CIAO2A: variants seen among roughly 807,000 people sequenced by gnomAD.
CIAO2A encodes the protein MIP18 family protein FAM96A.
CIAO2A carries 17 observed loss-of-function variants against 22.4 expected under a neutral mutation model. The ratio of observed to expected loss-of-function variants is 0.76; its 90% CI spans 0.52 to 1.14. CIAO2A has a LOEUF of 1.14. CIAO2A is among the 50% of genes most tolerant of loss of function. The pLI, the probability that CIAO2A is intolerant of heterozygous loss-of-function variation, is 0.00. For missense variants in CIAO2A, 192 were observed against 191.4 expected, an observed-to-expected ratio of 1.00 and a Z score of -0.02; for synonymous variants, 74 against 72.3, an observed-to-expected ratio of 1.02 and a Z score of -0.12.
intron 1 of CIAO2A, among the ~76,000 whole-genome samples, chr15:64,090,644 T>C (rs1001253171): frequency 6.6e-6 from 1 of 152,206 alleles, no homozygotes; most frequent in African/African-American, 2.4e-5. Flanking sequence ...AAACAGGTCT[T>C]TCATTTGTCA....
chr15:64,091,216 C>T (rs1013230453), intron 1 of CIAO2A, among the ~76,000 whole-genome samples: 8 of 152,226 alleles, frequency 5.3e-5, no homozygotes, highest in Admixed American at 1.3e-4. Context: ...CATGACGGCT[C>T]ATGCCTGTAA....
intron 1 of CIAO2A, chr15:64,090,194 T>C: frequency 6.1e-6 from 1 of 164,170 alleles, no homozygotes; most frequent in South Asian, 1.2e-4. Flanking sequence ...AATACAAAAA[T>C]TACCCAGGCG....
intron 3 of CIAO2A, among the ~76,000 whole-genome samples, chr15:64,079,025 G>A (rs187611517): frequency 2.0e-5 from 3 of 151,588 alleles, no homozygotes; most frequent in African/African-American, 2.4e-5. Context: ...TGGGCAACAG[G>A]GTGAGACCCT....
At chr15:64,084,135 G>A (rs570151252) in intron 2 of CIAO2A, among the ~76,000 whole-genome samples, 58 of 152,048 alleles carry the variant, frequency 3.8e-4, no homozygotes, top group African/African-American at 1.3e-3. Context: ...ATTTGTCCAC[G>A]TACACATTTT....
At chr15:64,088,572 T>C (rs1260748737) in intron 2 of CIAO2A, 115 bp downstream of exon 2, 1 of 771,690 alleles carries the variant, frequency 1.3e-6, no homozygotes, top group African/African-American at 1.8e-5. Context: ...CCATAAAGTG[T>C]AATACATACA....
intron 2 of CIAO2A, among the ~76,000 whole-genome samples, chr15:64,086,591 G>A (rs554267214): frequency 8.1e-5 from 12 of 148,702 alleles, no homozygotes; most frequent in African/African-American, 3.0e-4. Context: ...TCAGCATTCA[G>A]TAATGCTTTT....
intron 3 of CIAO2A, 75 bp from the exon 4 acceptor site, chr15:64,075,612 G>T: frequency 2.2e-6 from 2 of 900,242 alleles, no homozygotes; most frequent in Non-Finnish European, 1.7e-6. Flanking sequence ...GGAATGTACA[G>T]TAAATTCAAA....
intron 3 of CIAO2A, among the ~76,000 whole-genome samples, chr15:64,077,472 C>T (rs2080727792): frequency 6.6e-6 from 1 of 152,172 alleles, no homozygotes; most frequent in African/African-American, 2.4e-5. Flanking sequence ...ATTTATGCAG[C>T]TATTCCTATA....
Position 64,093,630 on chromosome 15 carries a change from G to C in CIAO2A, c.124+15C>G. On this transcript the variant is annotated intron_variant, in intron 1 of 4. Coordinates refer to ENST00000300030, the MANE Select transcript of CIAO2A (RefSeq NM_032231.7). ...ACCTATAACGCCAAATGCTGTGCTG[G>C]GTAAAATTAATTACCATAAACTTCT... 6.2e-7 allele frequency: 1 copy of C among 1,608,432 alleles called. No homozygotes were observed. The highest frequency in any genetic ancestry group is 8.5e-7 in the Non-Finnish European group (1 of 1,176,372).
chr15:64,078,651 A>AAAAG (rs1362968256), intron 3 of CIAO2A, among the ~76,000 whole-genome samples: 2 of 151,540 alleles, frequency 1.3e-5, no homozygotes, highest in East Asian at 1.9e-4. Flanking sequence ...AAAAAAAAAA[A>AAAAG]AAAAGAAAAG....
chr15:64,077,370 C>T lies in CIAO2A; in HGVS notation c.340-1833G>A, dbSNP rs149317916. On this transcript the variant is annotated intron_variant, in intron 3 of 4. Coordinates refer to ENST00000300030, the MANE Select transcript of CIAO2A (RefSeq NM_032231.7). ...AACACTCTTATTCTAGACCTCAAAG[C>T]AACAGGTATAGAATCACTCTATACT... 1.6e-4 allele frequency among the ~76,000 whole-genome samples: 25 copies of T among 152,292 alleles called. No individual in the cohort carries two copies. The East Asian group carries it at 4.2e-3, about 26-fold the overall frequency.
intron 1 of CIAO2A, among the ~76,000 whole-genome samples, chr15:64,091,720 T>C (rs2080840868): frequency 6.6e-6 from 1 of 152,056 alleles, no homozygotes; most frequent in South Asian, 2.1e-4. Flanking sequence ...TAAATTTCTC[T>C]AGTTTTCTAG....
At chr15:64,075,563 GA>G in intron 3 of CIAO2A, 26 bp from the exon 4 acceptor site, 2 of 1,501,256 alleles carry the variant, frequency 1.3e-6, no homozygotes, top group Non-Finnish European at 9.2e-7. Flanking sequence ...AAAAGTAAAA[GA>G]AAAAACATTA....
chr15:64,076,820 G>T (rs1412995021), intron 3 of CIAO2A, among the ~76,000 whole-genome samples: 5 of 150,896 alleles, frequency 3.3e-5, no homozygotes, highest in African/African-American at 1.2e-4. Flanking sequence ...GACTTCCTGG[G>T]CTCAGGTGAT....
chr15:64,080,639 G>A (rs1357232278), intron 3 of CIAO2A, among the ~76,000 whole-genome samples: 6 of 151,764 alleles, frequency 4.0e-5, no homozygotes, highest in African/African-American at 7.3e-5. Flanking sequence ...CTGAGATGGC[G>A]CCACTGAACT....
At chr15:64,089,270 C>T (rs866970167) in intron 1 of CIAO2A, among the ~76,000 whole-genome samples, 1 of 152,106 alleles carries the variant, frequency 6.6e-6, no homozygotes, top group African/African-American at 2.4e-5. Flanking sequence ...CACCTGTAAA[C>T]CAACCACTTT....
At chr15:64,086,723 C>T (rs2140113775) in intron 2 of CIAO2A, among the ~76,000 whole-genome samples, 1 of 151,748 alleles carries the variant, frequency 6.6e-6, no homozygotes, top group East Asian at 1.9e-4. Flanking sequence ...AAGCGATTCT[C>T]CTGCCTCAGC....
chr15:64,077,613 A>G (rs2080728760), intron 3 of CIAO2A, among the ~76,000 whole-genome samples: 1 of 152,212 alleles, frequency 6.6e-6, no homozygotes, highest in African/African-American at 2.4e-5. Flanking sequence ...AAATGCACAA[A>G]CTGAATCTAA....
intron 4 of CIAO2A, 107 bp downstream of exon 4, chr15:64,075,385 C>T: frequency 1.4e-6 from 1 of 702,138 alleles, no homozygotes; most frequent in Non-Finnish European, 2.3e-6. Context: ...CAATTGTGCA[C>T]TTTTTTGAAA....
Sources: gnomAD v4.1 joint callset for allele counts (sites outside exome capture counted in the v4.1 genomes callset) on GRCh38, gnomAD v4.1.1 for gene constraint, MANE v1.5 for transcripts, NCBI Gene and HGNC (gene_info 2026-07-23, HGNC 2026-07-21) for gene names.